The following NFASC variants were observed in gnomAD, a reference collection of about 807,000 sequenced individuals.
NFASC encodes neurofascin homolog.
In NFASC, 43 loss-of-function variants were observed where a neutral mutation model predicts 147.5. That is an observed-to-expected ratio of 0.29 (90% CI 0.23 to 0.38). NFASC has a LOEUF of 0.38. Ranked by LOEUF, NFASC falls within the 10% of genes least tolerant of loss-of-function variation. The pLI is 1.00. For missense variants in NFASC, 1,320 were observed against 1,689.0 expected (o/e 0.78, Z 3.83); for synonymous variants, 622 against 665.5 (o/e 0.93, Z 1.01).
At position 204,976,663 on chromosome 1, in the gene NFASC, C is replaced by T. The variant is rs1196516642; in HGVS notation, c.1707-8C>T. On this transcript the variant is annotated splice_region_variant and splice_polypyrimidine_tract_variant and intron_variant, in intron 15 of 29. Transcript: ENST00000339876. The stretch of plus-strand genomic sequence containing the variant: ...CCTCCTCCCAACCCTTCCTCGGTAC[C>T]TTTGCAGGATGAAGAAGGAAGACGA... The T allele has an allele frequency of 6.2e-7, 1 of 1,607,774 alleles. No individual in the cohort carries two copies. The highest frequency in any genetic ancestry group is 1.1e-5 in the South Asian group (1 of 90,584).
At chr1:204,883,943 T>C (rs904536584) in intron 1 of NFASC, among the ~76,000 whole-genome samples, 1 of 152,098 alleles carries the variant, frequency 6.6e-6, no homozygotes, top group Admixed American at 6.5e-5. Flanking sequence ...CCCTCTGCCA[T>C]CTCCTGATCA....
Position 204,968,531 on chromosome 1 carries a change from A to G in NFASC, c.818+171A>G, listed in dbSNP as rs553587655. 1 of 620,834 alleles carries G rather than the reference A, an allele frequency of 1.6e-6. No homozygotes were observed. Among genetic ancestry groups the G allele is most frequent in the African/African-American group, 1.8e-5 (1 of 54,414 alleles). 38.5% of individuals were successfully genotyped at this position (620,834 alleles called of 1,614,324 possible). ...TGCAAACCATAGTCATCTCCATCCT[A>G]TCCTGGCCATCTCTGTTTTGGATAA... On this transcript the variant is annotated intron_variant, in intron 9 of 29. Coordinates refer to ENST00000339876, the MANE Select transcript of NFASC (RefSeq NM_001005388.3). The surrounding 1 kb of genome is among the most constrained non-coding windows in gnomAD (Gnocchi z 5.4).
At chr1:204,977,872 T>A (rs2095438382) in intron 17 of NFASC, 147 bp downstream of exon 17, 1 of 627,152 alleles carries the variant, frequency 1.6e-6, no homozygotes, top group Non-Finnish European at 2.8e-6. Flanking sequence ...CTCCTTTGAG[T>A]TGCCCACGTC....
At chr1:204,860,678 C>G (rs1481229024) in intron 1 of NFASC, among the ~76,000 whole-genome samples, 1 of 152,230 alleles carries the variant, frequency 6.6e-6, no homozygotes, top group Non-Finnish European at 1.5e-5. Context: ...CCACCACTAT[C>G]TAATTCCTTA....
At chr1:205,002,823 C>T in intron 27 of NFASC, 75 bp downstream of exon 27, 1 of 1,208,010 alleles carries the variant, frequency 8.3e-7, no homozygotes, top group South Asian at 2.5e-5. Context: ...TCCTGCTTGC[C>T]TCTCTCCTCG....
At chr1:204,849,971 C>T (rs2075528846) in intron 1 of NFASC, among the ~76,000 whole-genome samples, 1 of 152,180 alleles carries the variant, frequency 6.6e-6, no homozygotes, top group Non-Finnish European at 1.5e-5. Context: ...CTTAGACAAA[C>T]AGGACGTAGG....
At position 204,912,957 on chromosome 1, in the gene NFASC, G is replaced by T. The variant is rs190357386; in HGVS notation, c.-199-7675G>T. ...ATGGAAGGGTCACTTGAGCCCTGGA[G>T]ACTGAGGCTGCAGTAAGTTGTGATC... On this transcript the variant is annotated intron_variant, in intron 1 of 29. Coordinates refer to ENST00000339876, the MANE Select transcript of NFASC (RefSeq NM_001005388.3). Among the ~76,000 whole-genome samples the T allele has an allele frequency of 2.9e-3, 446 of 152,250 alleles. 11 individuals carry two copies. Among genetic ancestry groups the T allele is most frequent in the South Asian group, 9.5e-3 (46 of 4,824 alleles).
At chr1:204,969,143 C>T (rs749158701) in intron 10 of NFASC, among the ~76,000 whole-genome samples, 161 bp downstream of exon 10, 8 of 152,076 alleles carry the variant, frequency 5.3e-5, no homozygotes, top group Non-Finnish European at 1.2e-4. Context: ...ACTCGCTGGA[C>T]GTGAGAGGGT....
At position 204,968,579 on chromosome 1, in the gene NFASC, A is replaced by G. The variant is rs2095080966; in HGVS notation, c.818+219A>G. 1.6e-6 allele frequency: 1 copy of G among 614,398 alleles called. No individual in the cohort carries two copies. The highest frequency in any genetic ancestry group is 1.8e-5 in the African/African-American group (1 of 54,108). 38.1% of individuals were successfully genotyped at this position (614,398 alleles called of 1,614,324 possible). A position where few individuals can be genotyped will look rare whatever the true frequency, so the allele number is the denominator to read the frequency against. On this transcript the variant is annotated intron_variant, in intron 9 of 29. Coordinates refer to ENST00000339876, the MANE Select transcript of NFASC (RefSeq NM_001005388.3). This position sits in a 1 kb window ranked among gnomAD's most constrained non-coding sequence, Gnocchi z 5.4. Reference sequence around the variant, plus strand: ...TAATGAGGAAAGAAGGTGATTAGGCATCCCGTAGATGCGTTAGAATCTCGT... The same window carrying G: ...TAATGAGGAAAGAAGGTGATTAGGCGTCCCGTAGATGCGTTAGAATCTCGT...
chr1:204,853,554 A>G (rs1001525339), intron 1 of NFASC, among the ~76,000 whole-genome samples: 27 of 152,342 alleles, frequency 1.8e-4, no homozygotes, highest in African/African-American at 6.5e-4. Context: ...CATAGGGTTT[A>G]TAACCTGGAG....
At chr1:204,974,366 A>C in intron 13 of NFASC, 76 bp downstream of exon 13, 1 of 1,168,632 alleles carries the variant, frequency 8.6e-7, no homozygotes, top group African/African-American at 1.5e-5. Context: ...GGCCCATAGT[A>C]GGTGTTCAGC....
At chr1:204,995,503 C>G (rs73077317) in intron 24 of NFASC, among the ~76,000 whole-genome samples, 4 of 152,068 alleles carry the variant, frequency 2.6e-5, no homozygotes, top group Non-Finnish European at 5.9e-5. Flanking sequence ...CTCACCCCTC[C>G]GCACGCCGCC....
At chr1:204,997,609 C>T (rs1357144060) in intron 25 of NFASC, 2 of 656,004 alleles carry the variant, frequency 3.0e-6, no homozygotes, top group Non-Finnish European at 5.4e-6. Context: ...CCAGCCTGGC[C>T]CTGACACACA....
intron 1 of NFASC, among the ~76,000 whole-genome samples, chr1:204,910,794 T>A (rs1472307224): frequency 6.6e-6 from 1 of 151,576 alleles, no homozygotes; most frequent in Non-Finnish European, 1.5e-5. Flanking sequence ...GTGAGCCACT[T>A]TGCCTGGCCT....
At position 204,979,530 on chromosome 1, in the gene NFASC, C is replaced by T. The variant is rs746805284; in HGVS notation, c.2147C>T (p.Pro716Leu). The change falls in exon 19 of 30, where the codon CCA becomes CTA. Residue 716 changes from proline to leucine, a missense_variant. Coordinates refer to ENST00000339876, the MANE Select transcript of NFASC (RefSeq NM_001005388.3). The surrounding 1 kb of genome is among the most constrained non-coding windows in gnomAD (Gnocchi z 6.0). ...GTTGGGAGCAGCCACCCCAGCCTCC[C>T]ATCCGAGCGCTACCGAACCAGTGGA... is the stretch of plus-strand genomic sequence containing the variant. ...NEVGSSHPSL[P>L]SERYRTSGAP... The T allele has an allele frequency of 3.7e-6, 6 of 1,613,688 alleles. No homozygotes were observed. In the African/African-American group the frequency reaches 5.3e-5, roughly 14 times the overall value.
At chr1:204,859,122 C>T (rs1300111724) in intron 1 of NFASC, among the ~76,000 whole-genome samples, 3 of 152,202 alleles carry the variant, frequency 2.0e-5, no homozygotes, top group South Asian at 2.1e-4. Context: ...GTATTACAGG[C>T]GCATGCCAAC....
intron 28 of NFASC, among the ~76,000 whole-genome samples, chr1:205,011,870 G>A (rs2096260119): frequency 6.6e-6 from 1 of 151,994 alleles, no homozygotes; most frequent in Admixed American, 6.6e-5. Context: ...CCTGAGGTCG[G>A]GAGTTCAAGA....
intron 11 of NFASC, among the ~76,000 whole-genome samples, chr1:204,971,214 T>C (rs1222697004): frequency 6.6e-6 from 1 of 152,142 alleles, no homozygotes; most frequent in East Asian, 1.9e-4. Flanking sequence ...ATGTGAAATA[T>C]TATGGTTAGA....
At chr1:204,873,394 T>C (rs1400629136) in intron 1 of NFASC, among the ~76,000 whole-genome samples, 2 of 152,098 alleles carry the variant, frequency 1.3e-5, no homozygotes, top group Admixed American at 1.3e-4. Flanking sequence ...TTTGGAGTCC[T>C]AGGAAAAAGC....
Sources: gnomAD v4.1 joint callset for allele counts (sites outside exome capture counted in the v4.1 genomes callset) on GRCh38, gnomAD v4.1.1 for gene constraint, Gnocchi (gnomAD v3.1) non-coding constraint, MANE v1.5 for transcripts, NCBI Gene and HGNC (gene_info 2026-07-23, HGNC 2026-07-21) for gene names.